Variants in MGLL observed in about 807,000 individuals in gnomAD.
MGLL encodes the protein lysophospholipase homolog.
In MGLL, 7 loss-of-function variants were observed where a neutral mutation model predicts 29.1. That is an observed-to-expected ratio of 0.24 (90% confidence interval 0.14 to 0.45). The LOEUF (loss-of-function observed/expected upper bound fraction) is 0.45. MGLL is among the 20% of genes least tolerant of loss of function. MGLL has a pLI of 0.99. For synonymous variants in MGLL, 148 were observed against 168.3 expected, an observed-to-expected ratio of 0.88 and a Z score of 0.93; for missense variants, 356 against 413.6, an observed-to-expected ratio of 0.86 and a Z score of 1.21.
At chr3:127,735,117 C>A (rs2076221388) in intron 3 of MGLL, among the ~76,000 whole-genome samples, 1 of 152,198 alleles carries the variant, frequency 6.6e-6, no homozygotes, top group Admixed American at 6.5e-5. Context: ...GTGGAACAAG[C>A]CTTTGTTTTA....
At chr3:127,820,938 A>C (rs2107765077) in intron 2 of MGLL, among the ~76,000 whole-genome samples, 1 of 152,354 alleles carries the variant, frequency 6.6e-6, no homozygotes, top group South Asian at 2.1e-4. Flanking sequence ...GCACAAAGAG[A>C]GACATAATCC....
chr3:127,802,221 G>A (rs1216869089), intron 2 of MGLL, among the ~76,000 whole-genome samples: 1 of 152,290 alleles, frequency 6.6e-6, no homozygotes, highest in East Asian at 1.9e-4. Context: ...TAGAGTTGCG[G>A]AGTGTAAGAG....
chr3:127,738,488 G>C (rs1490815814), intron 3 of MGLL, among the ~76,000 whole-genome samples: 3 of 152,120 alleles, frequency 2.0e-5, no homozygotes, highest in Non-Finnish European at 4.4e-5. Flanking sequence ...GGCTTCTGGT[G>C]TTCAGCACCC....
intron 2 of MGLL, among the ~76,000 whole-genome samples, chr3:127,815,291 C>T (rs1234746143): frequency 6.6e-6 from 1 of 152,188 alleles, no homozygotes; most frequent in Admixed American, 6.5e-5. Context: ...CACAGCAGCC[C>T]CACCGTGTTC....
chr3:127,690,969 G>A lies in MGLL; in HGVS notation c.*1229C>T, dbSNP rs2075230938. On this transcript the variant is annotated 3_prime_UTR_variant, in exon 8 of 8. Transcript: ENST00000265052. ...TGGGGGTGCCTCCAGTCCCTGCTCT[G>A]GGTCACCGAGTGCTCCATGCAGACC... is the stretch of plus-strand genomic sequence containing the variant. 6.5e-6 allele frequency: 1 copy of A among 152,830 alleles called. No individual in the cohort carries two copies. Among genetic ancestry groups the A allele is most frequent in the Admixed American group, 6.5e-5 (1 of 15,284 alleles). 9.5% of individuals were successfully genotyped at this position (152,830 alleles called of 1,614,324 possible).
intron 3 of MGLL, among the ~76,000 whole-genome samples, chr3:127,742,527 T>C (rs147097940): frequency 2.1e-5 from 3 of 141,266 alleles, no homozygotes; most frequent in African/African-American, 8.2e-5. Context: ...GAGGCAGAGA[T>C]TGCAGTGAGC....
chr3:127,710,578 C>CT lies in MGLL; in HGVS notation c.597dup (p.Glu200ArgfsTer6). 1 of 1,556,786 alleles carries CT rather than the reference C, an allele frequency of 6.4e-7. No individual in the cohort carries two copies. The highest frequency in any genetic ancestry group is 8.7e-7 in the Non-Finnish European group (1 of 1,148,902). On this transcript the variant is annotated frameshift_variant, in exon 6 of 8. Coordinates refer to ENST00000265052, the MANE Select transcript of MGLL (RefSeq NM_007283.7). LOFTEE classifies it high-confidence loss of function. The stretch of plus-strand genomic sequence containing the variant: ...TGGGGTTTCGGAAAGCCTCTCACCT[C>CT]TGTCTTATTCCGAGAGAGCACGCTG...
At chr3:127,783,939 G>A (rs1266566558) in intron 2 of MGLL, 1 of 152,200 alleles carries the variant, frequency 6.6e-6, no homozygotes, top group East Asian at 1.9e-4. Flanking sequence ...ACCCCCTTTG[G>A]GAGCACAGCC....
chr3:127,789,697 T>C (rs1464953685), intron 2 of MGLL, among the ~76,000 whole-genome samples: 2 of 149,178 alleles, frequency 1.3e-5, no homozygotes, highest in Admixed American at 1.4e-4. Flanking sequence ...AGCAAGACCC[T>C]GTCTCAAAAA....
intron 3 of MGLL, among the ~76,000 whole-genome samples, chr3:127,757,622 T>C (rs1268213942): frequency 1.3e-5 from 2 of 152,144 alleles, no homozygotes; most frequent in South Asian, 2.1e-4. Context: ...GTGAAGTGAC[T>C]ACACCAGAGA....
At chr3:127,731,096 T>C (rs906658338) in intron 3 of MGLL, among the ~76,000 whole-genome samples, 1 of 152,254 alleles carries the variant, frequency 6.6e-6, no homozygotes, top group Non-Finnish European at 1.5e-5. Context: ...TGATGCAATA[T>C]GTTTCCTTGA....
chr3:127,791,343 G>A (rs1244067071), intron 2 of MGLL: 1 of 152,232 alleles, frequency 6.6e-6, no homozygotes, highest in African/African-American at 2.4e-5. Flanking sequence ...CTTCTTGTTT[G>A]TCTTTGAGCC....
chr3:127,803,192 C>T (rs1282244737), intron 2 of MGLL, among the ~76,000 whole-genome samples: 1 of 152,168 alleles, frequency 6.6e-6, no homozygotes, highest in Admixed American at 6.5e-5. Flanking sequence ...GTTGGCCAGG[C>T]TGGTCTCGAA....
rs568244185 is a variant in MGLL at position 127,689,509 on chromosome 3, A to G, written c.*2689T>C. ...AAAAAGCTTTTCAGGCATGAAACCC[A>G]TTTCTGTATGGACTGGGCTGTGTTG... On this transcript the variant is annotated 3_prime_UTR_variant, in exon 8 of 8. Transcript: ENST00000265052. The G allele has an allele frequency of 3.2e-4, 49 of 152,384 alleles. No homozygotes were observed. Among genetic ancestry groups the G allele is most frequent in the African/African-American group, 1.0e-3 (43 of 41,558 alleles). 9.4% of individuals were successfully genotyped at this position (152,384 alleles called of 1,614,324 possible). A position where few individuals can be genotyped will look rare whatever the true frequency, so the allele number is the denominator to read the frequency against.
rs60128956 is a variant in MGLL, at chr3:127,701,215, C to CAAAA, written c.601-6029_601-6026dup. ...GGGCAAGAGAGCGAGACCCTGCCTC[C>CAAAA]AAAAAAAAAAAAAAAAAAGCCACCA... On this transcript the variant is annotated intron_variant, in intron 6 of 7. Coordinates refer to ENST00000265052, the MANE Select transcript of MGLL (RefSeq NM_007283.7). Among the ~76,000 whole-genome samples the CAAAA allele has an allele frequency of 4.6e-4, 26 of 56,430 alleles. 2 individuals are homozygous for CAAAA. The highest frequency in any genetic ancestry group is 2.3e-3 in the African/African-American group (24 of 10,610). The allele number at this position is 56,430 out of a possible 152,430, so 37.0% of individuals were successfully genotyped here.
chr3:127,771,637 T>C (rs2076950451), intron 3 of MGLL, among the ~76,000 whole-genome samples: 3 of 152,196 alleles, frequency 2.0e-5, no homozygotes, highest in African/African-American at 7.2e-5. Flanking sequence ...ATTACAGGTG[T>C]GAGCCACCAA....
chr3:127,696,393 CTTCTTTTTTTTTTTTTTTTTT>C (rs2075363913), intron 6 of MGLL, among the ~76,000 whole-genome samples: 5 of 85,362 alleles, frequency 5.9e-5, no homozygotes, highest in Non-Finnish European at 9.7e-5. Context: ...GCCCCTGATG[CTTCTTTTTTTTTTTTTTTTTT>C]TTTTTTTTTT....
At chr3:127,800,420 T>C (rs570065411) in intron 2 of MGLL, among the ~76,000 whole-genome samples, 2 of 152,358 alleles carry the variant, frequency 1.3e-5, no homozygotes, top group African/African-American at 4.8e-5. Flanking sequence ...CTAGGCTCTG[T>C]GACTTCCTAC....
intron 3 of MGLL, among the ~76,000 whole-genome samples, chr3:127,757,054 T>C (rs77318922): frequency 0.058 from 8,833 of 152,268 alleles, 349 homozygotes; most frequent in East Asian, 0.16. Flanking sequence ...CAATGGAAGG[T>C]GGACAGAGTG....
Sources: gnomAD v4.1 joint callset for allele counts (sites outside exome capture counted in the v4.1 genomes callset) on GRCh38, gnomAD v4.1.1 for gene constraint, MANE v1.5 for transcripts, NCBI Gene and HGNC (gene_info 2026-07-23, HGNC 2026-07-21) for gene names.